The following USP30 variants were observed in gnomAD, a reference collection of about 807,000 sequenced individuals.
USP30 encodes the protein ubiquitin specific peptidase 30, also known as ubiquitin carboxyl-terminal hydrolase 30.
In USP30, 41 loss-of-function variants were observed where a neutral mutation model predicts 68.2. That is an observed-to-expected ratio of 0.60 (90% CI 0.47 to 0.78). The LOEUF (loss-of-function observed/expected upper bound fraction) is 0.78, where lower values mean the gene tolerates loss of function less well. USP30 is among the 30% of genes least tolerant of loss of function. The pLI, the probability that USP30 is intolerant of heterozygous loss-of-function variation, is 0.00. For missense variants in USP30, 522 were observed against 649.4 expected (o/e 0.80, Z 2.13); for synonymous variants, 229 against 253.7 (o/e 0.90, Z 0.93).
chr12:109,080,063 G>T (rs2041749164), intron 7 of USP30, among the ~76,000 whole-genome samples: 1 of 152,200 alleles, frequency 6.6e-6, no homozygotes, highest in Non-Finnish European at 1.5e-5. Flanking sequence ...TCTCTGCTCA[G>T]TTTTTTTAGC....
intron 3 of USP30, among the ~76,000 whole-genome samples, chr12:109,061,777 A>G (rs568111386): frequency 2.0e-5 from 3 of 152,302 alleles, no homozygotes; most frequent in East Asian, 1.9e-4. Context: ...TTAAAGCATT[A>G]CAGAGAAGGC....
At chr12:109,085,547 T>G in intron 12 of USP30, 120 bp from the exon 13 acceptor site, 8 of 1,196,464 alleles carry the variant, frequency 6.7e-6, no homozygotes, top group Non-Finnish European at 9.5e-6. Context: ...TGTGTAGCAT[T>G]TGGTGGTATG....
intron 3 of USP30, among the ~76,000 whole-genome samples, chr12:109,062,328 CTT>C (rs773303115): frequency 4.9e-5 from 5 of 103,068 alleles, no homozygotes; most frequent in Admixed American, 1.1e-4. Flanking sequence ...ACCTCCTTCA[CTT>C]TTTTTTTTTT....
chr12:109,024,504 T>C (rs975292566), intron 1 of USP30, among the ~76,000 whole-genome samples: 4 of 152,130 alleles, frequency 2.6e-5, no homozygotes, highest in African/African-American at 9.7e-5. Flanking sequence ...GCAATCAACC[T>C]GCCTCGGCCT....
rs1168426872 is a variant in USP30 at position 109,081,632 on chromosome 12, C to CGT, written c.780+239_780+240insGT. Reference sequence around the variant, plus strand: ...ACACGCACGCATGCGCGCACACACACACACACACACACACACACACACACA... The same window carrying CGT: ...ACACGCACGCATGCGCGCACACACACGTACACACACACACACACACACACACA... On this transcript the variant is annotated intron_variant, in intron 8 of 12. Transcript: ENST00000257548. The CGT allele has an allele frequency of 5.3e-5, 26 of 486,534 alleles. No individual in the cohort carries two copies. The African/African-American group carries it at 6.8e-4, about 13-fold the overall frequency. 30.1% of individuals were successfully genotyped at this position (486,534 alleles called of 1,614,324 possible).
intron 3 of USP30, among the ~76,000 whole-genome samples, chr12:109,063,620 G>T (rs893490537): frequency 6.6e-5 from 10 of 152,178 alleles, no homozygotes; most frequent in African/African-American, 1.7e-4. Context: ...AGGAGCTGCT[G>T]TGCTGTTTTC....
intron 1 of USP30, chr12:109,054,122 A>G (rs1347255427): frequency 6.6e-6 from 3 of 454,468 alleles, no homozygotes; most frequent in Non-Finnish European, 1.3e-5. Context: ...AAGCACTGGT[A>G]AAGCACCTTA....
intron 3 of USP30, among the ~76,000 whole-genome samples, chr12:109,058,691 T>C (rs1346647919): frequency 6.6e-6 from 1 of 152,112 alleles, no homozygotes; most frequent in Admixed American, 6.6e-5. Flanking sequence ...GTAAGAAGTA[T>C]TCTGGTTTCA....
intron 3 of USP30, among the ~76,000 whole-genome samples, chr12:109,059,491 T>G (rs2040989203): frequency 6.6e-6 from 1 of 152,024 alleles, no homozygotes; most frequent in South Asian, 2.1e-4. Context: ...CCACTACGCC[T>G]GGCCCCAACT....
intron 3 of USP30, among the ~76,000 whole-genome samples, chr12:109,029,443 T>C (rs1038180186): frequency 6.6e-6 from 1 of 152,166 alleles, no homozygotes; most frequent in Non-Finnish European, 1.5e-5. Context: ...TTTGTGTCTG[T>C]TTCCATACAT....
chr12:109,048,693 T>A (rs2135682627), upstream of USP30, among the ~76,000 whole-genome samples: 1 of 139,720 alleles, frequency 7.2e-6, no homozygotes, highest in South Asian at 2.3e-4. Flanking sequence ...TGAGCCAAGA[T>A]CGCCCTACTG....
rs150731844 is a variant in USP30 at position 109,030,866 on chromosome 12, G to A, written c.-136+3310G>A. On this transcript the variant is annotated intron_variant, in intron 3 of 15. Transcript: ENST00000392784. Reference sequence around the variant, plus strand: ...CCTGACCTCATGATCCACCTGCCTCGGCCTCCCTAAGTGCTGGGATTACAG... The same window carrying A: ...CCTGACCTCATGATCCACCTGCCTCAGCCTCCCTAAGTGCTGGGATTACAG... Among the ~76,000 whole-genome samples the A allele has an allele frequency of 3.8e-3, 580 of 152,138 alleles. 6 individuals carry two copies. Among genetic ancestry groups the A allele is most frequent in the African/African-American group, 0.013 (552 of 41,504 alleles).
chr12:109,034,460 C>T (rs1257111694), intron 3 of USP30, among the ~76,000 whole-genome samples: 1 of 152,158 alleles, frequency 6.6e-6, no homozygotes, highest in Non-Finnish European at 1.5e-5. Flanking sequence ...GGTGTGGTGG[C>T]TCATGCCTGT....
intron 4 of USP30, among the ~76,000 whole-genome samples, chr12:109,069,371 A>G (rs372589060): frequency 2.0e-5 from 3 of 152,096 alleles, no homozygotes; most frequent in Admixed American, 2.0e-4. Context: ...CTTCCTGTTC[A>G]TCTGTACAGG....
intron 1 of USP30, 180 bp downstream of exon 1, chr12:109,052,941 A>G (rs939291871): frequency 3.8e-6 from 2 of 525,050 alleles, no homozygotes; most frequent in Admixed American, 8.6e-5. Flanking sequence ...GACGGGCTCC[A>G]GTCCTTCGGC....
At chr12:109,048,889 A>G (rs1337569895), upstream of USP30, among the ~76,000 whole-genome samples, 2 of 152,214 alleles carry the variant, frequency 1.3e-5, no homozygotes, top group Admixed American at 6.5e-5. Flanking sequence ...CAAACAGTCC[A>G]TTCTGTCTGT....
intron 3 of USP30, 49 bp downstream of exon 3, chr12:109,058,157 C>A: frequency 6.5e-7 from 1 of 1,532,960 alleles, no homozygotes; most frequent in South Asian, 1.3e-5. Flanking sequence ...TCAAAGAAGT[C>A]CAGATGACAG....
chr12:109,053,416 C>G (rs2040736240), intron 1 of USP30, among the ~76,000 whole-genome samples: 1 of 152,088 alleles, frequency 6.6e-6, no homozygotes, highest in Non-Finnish European at 1.5e-5. Context: ...GCCCTCCGTT[C>G]TTGTTAGGAC....
At chr12:109,082,395 T>G (rs1243708657) in intron 9 of USP30, 2 of 543,952 alleles carry the variant, frequency 3.7e-6, no homozygotes, top group Non-Finnish European at 6.5e-6. Flanking sequence ...ACAGAATTTT[T>G]GAAGACAGAG....
Sources: allele counts gnomAD v4.1 joint callset (sites outside exome capture counted in the v4.1 genomes callset), GRCh38; gene constraint gnomAD v4.1.1; transcripts MANE v1.5; gene names NCBI Gene and HGNC (gene_info 2026-07-23, HGNC 2026-07-21).